Variants in NETO1 observed in about 807,000 individuals in gnomAD.
NETO1 encodes neuropilin and tolloid like 1, also known as neuropilin and tolloid-like protein 1.
In NETO1, 26 loss-of-function variants were observed where a neutral mutation model predicts 61.3. The ratio of observed to expected loss-of-function variants is 0.42; its 90% CI spans 0.31 to 0.59. The LOEUF is 0.59. NETO1 is among the 20% of genes least tolerant of loss of function. NETO1 has a pLI of 0.12. For missense variants in NETO1, 531 were observed against 662.8 expected (o/e 0.80, Z 2.18); for synonymous variants, 225 against 225.8 (o/e 1.00, Z 0.03).
chr18:72,862,282 TG>T (rs1481365221), intron 3 of NETO1, among the ~76,000 whole-genome samples: 4 of 152,176 alleles, frequency 2.6e-5, no homozygotes, highest in African/African-American at 9.7e-5. Flanking sequence ...TAAGAGCAGT[TG>T]AAAAATAGTG....
chr18:72,754,705 T>C (rs1271090206), intron 8 of NETO1, among the ~76,000 whole-genome samples: 1 of 151,736 alleles, frequency 6.6e-6, no homozygotes, highest in East Asian at 1.9e-4. Context: ...AAGAGAGAAG[T>C]AGACAATTCA....
Position 72,826,739 on chromosome 18 carries a change from G to A in NETO1, c.469+32087C>T, listed in dbSNP as rs193070415. ...AACACACAGGCATGAAGAGACAACA[G>A]AAGCCTAGGGTGAGTGTTCCCCCAC... On this transcript the variant is annotated intron_variant, in intron 4 of 10. Transcript: ENST00000327305. 2.1e-3 allele frequency among the ~76,000 whole-genome samples: 321 copies of A among 152,286 alleles called. 1 individual carries two copies. The highest frequency in any genetic ancestry group is 2.9e-3 in the Non-Finnish European group (194 of 68,026).
chr18:72,849,065 T>A (rs1486216116), intron 4 of NETO1, among the ~76,000 whole-genome samples: 3 of 152,232 alleles, frequency 2.0e-5, no homozygotes, highest in African/African-American at 7.2e-5. Context: ...GAGCCTTTTG[T>A]GAGACTGAAT....
intron 4 of NETO1, among the ~76,000 whole-genome samples, chr18:72,808,419 T>TTTTGTGTG (rs1555691015): frequency 5.6e-5 from 8 of 141,834 alleles, no homozygotes; most frequent in South Asian, 2.4e-4. Flanking sequence ...CACTGCAGAT[T>TTTTGTGTG]TGTGTGTGTG....
intron 3 of NETO1, among the ~76,000 whole-genome samples, chr18:72,863,496 T>C (rs779232029): frequency 7.9e-5 from 12 of 152,182 alleles, no homozygotes; most frequent in Non-Finnish European, 1.6e-4. Flanking sequence ...ACCTTTTCTA[T>C]CAGTTGTAAA....
At chr18:72,811,259 G>A (rs189432972) in intron 4 of NETO1, among the ~76,000 whole-genome samples, 10 of 152,172 alleles carry the variant, frequency 6.6e-5, no homozygotes, top group Admixed American at 4.6e-4. Context: ...GTTCTGTAAC[G>A]TGAAACCCAT....
At chr18:72,789,605 T>C (rs1024545752) in intron 6 of NETO1, among the ~76,000 whole-genome samples, 1 of 152,172 alleles carries the variant, frequency 6.6e-6, no homozygotes, top group Non-Finnish European at 1.5e-5. Flanking sequence ...ATAACACCCA[T>C]GTACTATCTA....
At chr18:72,758,389 G>GTC in intron 7 of NETO1, among the ~76,000 whole-genome samples, 1 of 137,712 alleles carries the variant, frequency 7.3e-6, no homozygotes, top group East Asian at 2.0e-4. Flanking sequence ...TTTTCTTTGT[G>GTC]TGTGTGTGTG....
intron 4 of NETO1, among the ~76,000 whole-genome samples, chr18:72,833,769 G>A (rs2073655085): frequency 6.6e-6 from 1 of 152,142 alleles, no homozygotes; most frequent in Non-Finnish European, 1.5e-5. Context: ...AAAAATTAAT[G>A]CCTTCTTTGG....
At chr18:72,779,895 T>C (rs932663237) in intron 7 of NETO1, among the ~76,000 whole-genome samples, 5 of 152,110 alleles carry the variant, frequency 3.3e-5, no homozygotes, top group African/African-American at 9.7e-5. Context: ...GCAGATTTGG[T>C]GTCTGTTTAG....
At chr18:72,840,874 C>T (rs576603944) in intron 4 of NETO1, among the ~76,000 whole-genome samples, 6 of 152,230 alleles carry the variant, frequency 3.9e-5, no homozygotes, top group Admixed American at 6.5e-5. Flanking sequence ...AACAGGTGAA[C>T]GTCAACTATC....
intron 7 of NETO1, among the ~76,000 whole-genome samples, chr18:72,758,634 C>T (rs1254326266): frequency 2.6e-5 from 4 of 152,064 alleles, no homozygotes; most frequent in East Asian, 1.9e-4. Flanking sequence ...GCCAGGAGCT[C>T]GAGACCAACC....
chr18:72,861,204 C>T (rs2074561807), intron 3 of NETO1, among the ~76,000 whole-genome samples: 1 of 152,310 alleles, frequency 6.6e-6, no homozygotes, highest in South Asian at 2.1e-4. Flanking sequence ...AACATTCCGC[C>T]ATTATGGCTT....
chr18:72,810,721 C>T (rs1251342299), intron 4 of NETO1, among the ~76,000 whole-genome samples: 2 of 152,126 alleles, frequency 1.3e-5, no homozygotes, highest in Non-Finnish European at 2.9e-5. Context: ...GTTCCTCGCT[C>T]GTTTTTCTGT....
intron 4 of NETO1, among the ~76,000 whole-genome samples, chr18:72,820,669 C>G (rs1443341758): frequency 6.6e-6 from 1 of 152,232 alleles, no homozygotes; most frequent in African/African-American, 2.4e-5. Context: ...TTCAGTGAAG[C>G]AAGTGGTCCT....
At chr18:72,822,614 G>C (rs1803332055) in intron 4 of NETO1, among the ~76,000 whole-genome samples, 1 of 152,204 alleles carries the variant, frequency 6.6e-6, no homozygotes, top group East Asian at 1.9e-4. Context: ...AGACATAAAA[G>C]AGAATGACAT....
Position 72,750,224 on chromosome 18 carries a change from G to A in NETO1, c.1379C>T (p.Thr460Ile). ...RDASILTEMPTQPGKPLIPPM... is the reference protein window; with the variant it reads ...RDASILTEMPIQPGKPLIPPM... ...TGGGATGAGGGGTTTTCCTGGCTGT[G>A]TGGGCATCTCTGTCAAGATAGAAGC... The change falls in exon 9 of 11, where the codon ACA becomes ATA. Residue 460 changes from threonine to isoleucine, a missense_variant. Thr to Ile is a moderately conservative substitution (Grantham distance 89). Coordinates refer to ENST00000327305, the MANE Select transcript of NETO1 (RefSeq NM_138966.5). 2 of 1,614,078 alleles carry A rather than the reference G, an allele frequency of 1.2e-6. No individual in the cohort carries two copies. The highest frequency in any genetic ancestry group is 1.1e-5 in the South Asian group (1 of 91,076).
intron 2 of NETO1, 54 bp downstream of exon 2, chr18:72,865,134 G>T: frequency 1.3e-6 from 2 of 1,543,682 alleles, no homozygotes. Context: ...AGGAAAATAG[G>T]AAAATACAAA....
intron 4 of NETO1, among the ~76,000 whole-genome samples, chr18:72,803,984 C>A (rs1283645782): frequency 6.6e-6 from 1 of 151,870 alleles, no homozygotes; most frequent in Non-Finnish European, 1.5e-5. Flanking sequence ...ACTCGATTTG[C>A]AAAAATGTAA....
Sources: allele counts gnomAD v4.1 joint callset (sites outside exome capture counted in the v4.1 genomes callset), GRCh38; gene constraint gnomAD v4.1.1; transcripts MANE v1.5; gene names NCBI Gene and HGNC (gene_info 2026-07-23, HGNC 2026-07-21).